Variants in PHGDH observed in about 807,000 individuals in gnomAD.
The protein encoded by PHGDH is phosphoglycerate dehydrogenase, also known as D-3-phosphoglycerate dehydrogenase.
Under a neutral mutation model 52.6 loss-of-function variants are expected in PHGDH, and 50 were observed. The observed-to-expected ratio is 0.95, with a 90% CI of 0.76 to 1.20. PHGDH has a LOEUF of 1.20. Ranked by LOEUF, PHGDH falls within the 50% of genes most tolerant of loss-of-function variation. PHGDH has a pLI of 0.00. For synonymous variants in PHGDH, 271 were observed against 280.5 expected (o/e 0.97, Z 0.34); for missense variants, 630 against 684.6 (o/e 0.92, Z 0.89).
chr1:119,734,962 G>A (rs769078331), intron 6 of PHGDH, 196 bp downstream of exon 6: 21 of 667,080 alleles, frequency 3.1e-5, no homozygotes, highest in Non-Finnish European at 1.8e-5. Flanking sequence ...AGTGCTTGGG[G>A]TCTAGGTAAG....
chr1:119,712,967 C>T (rs2101138289), intron 1 of PHGDH: 1 of 152,484 alleles, frequency 6.6e-6, no homozygotes, highest in South Asian at 2.1e-4. Flanking sequence ...CAAACGCTCC[C>T]AGATGATTTA....
At chr1:119,726,630 G>A (rs1023146454) in intron 3 of PHGDH, 19 of 606,854 alleles carry the variant, frequency 3.1e-5, no homozygotes, top group Non-Finnish European at 5.3e-5. Flanking sequence ...ATGCCTGGCT[G>A]GTCACAGAAA....
chr1:119,718,952 T>G (rs963155792), intron 1 of PHGDH, among the ~76,000 whole-genome samples: 19 of 152,132 alleles, frequency 1.2e-4, no homozygotes, highest in African/African-American at 3.9e-4. Context: ...AGTTCAGGGT[T>G]GTTGGCAAAT....
intron 10 of PHGDH, 149 bp from the exon 11 acceptor site, chr1:119,742,658 C>T: frequency 4.4e-6 from 3 of 680,390 alleles, no homozygotes; most frequent in Admixed American, 2.1e-5. Flanking sequence ...CAGCTTGGCC[C>T]ATTTGCCCTC....
chr1:119,714,685 A>G (rs762630248), intron 1 of PHGDH, among the ~76,000 whole-genome samples: 1 of 152,226 alleles, frequency 6.6e-6, no homozygotes, highest in Non-Finnish European at 1.5e-5. Context: ...ACTGGGCAAC[A>G]TGGCAAAACC....
chr1:119,716,975 A>G (rs1287129876), intron 1 of PHGDH, among the ~76,000 whole-genome samples: 6 of 152,130 alleles, frequency 3.9e-5, no homozygotes, highest in African/African-American at 1.4e-4. Flanking sequence ...CTTGATATCT[A>G]GCGTTGAAGA....
At chr1:119,721,497 T>C (rs916389519) in intron 2 of PHGDH, 176 bp downstream of exon 2, 11 of 626,654 alleles carry the variant, frequency 1.8e-5, no homozygotes, top group Non-Finnish European at 3.0e-5. Context: ...GTTTCAAGGT[T>C]TTTGGAAGGC....
At chr1:119,714,808 A>G (rs1183927130) in intron 1 of PHGDH, among the ~76,000 whole-genome samples, 1 of 152,158 alleles carries the variant, frequency 6.6e-6, no homozygotes, top group Non-Finnish European at 1.5e-5. Context: ...ACTCTTCCCA[A>G]CCTGGTGCTC....
intron 5 of PHGDH, 130 bp from the exon 6 acceptor site, chr1:119,734,504 T>C (rs1213302410): frequency 2.3e-6 from 2 of 875,338 alleles, no homozygotes; most frequent in Non-Finnish European, 3.9e-6. Context: ...GTAAATTAAC[T>C]GGAGAATTAA....
rs999903658 is a variant in PHGDH, at chr1:119,723,414, CTT to C, written c.330_331del (p.Cys111TrpfsTer64). The C allele has an allele frequency of 3.1e-6, 5 of 1,613,830 alleles. No homozygotes were observed. The African/African-American group carries it at 5.3e-5, about 17-fold the overall frequency. ...AACAGCCTCAGTGCCGCAGAACTCACTTGTGGAATGATCATGTGCCTGGCCAG... is the reference window on the plus strand; with the variant it reads ...AACAGCCTCAGTGCCGCAGAACTCACGTGGAATGATCATGTGCCTGGCCAG... On this transcript the variant is annotated frameshift_variant, in exon 3 of 12. Transcript: ENST00000641023. LOFTEE classifies it high-confidence loss of function.
intron 8 of PHGDH, among the ~76,000 whole-genome samples, chr1:119,738,960 G>A (rs1239118318): frequency 6.6e-6 from 1 of 152,196 alleles, no homozygotes; most frequent in African/African-American, 2.4e-5. Flanking sequence ...AAATTGAACT[G>A]TTCACCCACA....
intron 3 of PHGDH, among the ~76,000 whole-genome samples, chr1:119,723,774 G>A (rs1000123066): frequency 4.6e-5 from 7 of 151,768 alleles, no homozygotes; most frequent in African/African-American, 1.7e-4. Context: ...GATGTTCCAG[G>A]CAGCAGGGTA....
intron 5 of PHGDH, among the ~76,000 whole-genome samples, chr1:119,731,315 G>C (rs1287785066): frequency 6.6e-6 from 1 of 152,192 alleles, no homozygotes; most frequent in Non-Finnish European, 1.5e-5. Context: ...TTTCTCAATA[G>C]TGTTGCTGAA....
In PHGDH at chr1:119,744,212, C is replaced by G; in HGVS notation, c.*172C>G. 1.5e-6 allele frequency: 1 copy of G among 676,804 alleles called. No individual in the cohort carries two copies. The highest frequency in any genetic ancestry group is 2.6e-5 in the East Asian group (1 of 37,892). The allele number at this position is 676,804 out of a possible 1,614,324, so 41.9% of individuals were successfully genotyped here. On this transcript the variant is annotated 3_prime_UTR_variant, in exon 12 of 12. Coordinates refer to ENST00000641023, the MANE Select transcript of PHGDH (RefSeq NM_006623.4). The stretch of plus-strand genomic sequence containing the variant: ...TAACCGTCTAATAAAGAGCCTACCC[C>G]CAACTCCTTCTGCACTTTTGTGTGG...
In PHGDH at chr1:119,743,915, C is replaced by T; in HGVS notation, c.1477C>T (p.Leu493=). Residue 493 remains leucine (L), a synonymous_variant, in exon 12 of 12, where the codon CTG becomes TTG. Transcript: ENST00000641023. ...CCTGGCAGAGGCAGGCGTGCGGCTG[C>T]TGTCCTACCAGACTTCACTGGTGTC... is the stretch of plus-strand genomic sequence containing the variant. The part of the protein sequence containing the change: ...GLLAEAGVRL[L]SYQTSLVSDG... 1 of 1,613,924 alleles carries T rather than the reference C, an allele frequency of 6.2e-7. No homozygotes were observed. The highest frequency in any genetic ancestry group is 1.7e-5 in the Admixed American group (1 of 60,026).
At chr1:119,728,881 A>G (rs1218675884) in intron 5 of PHGDH, among the ~76,000 whole-genome samples, 2 of 152,228 alleles carry the variant, frequency 1.3e-5, no homozygotes, top group Non-Finnish European at 2.9e-5. Flanking sequence ...TAGAGCTGCT[A>G]TGGAACTCTC....
intron 2 of PHGDH, among the ~76,000 whole-genome samples, chr1:119,722,064 GC>G (rs1651192572): frequency 2.0e-5 from 3 of 152,206 alleles, no homozygotes; most frequent in Non-Finnish European, 4.4e-5. Flanking sequence ...CCCCTGCACT[GC>G]ACTTCCCCCT....
At position 119,731,742 on chromosome 1, in the gene PHGDH, G is replaced by A. The variant is rs767778277; in HGVS notation, c.511-2892G>A. ...AATTTCGGCTCAGCCTTCCAGGCTG[G>A]CATTCTTTGCCCAGTACCACTTAAC... On this transcript the variant is annotated intron_variant, in intron 5 of 11. Coordinates refer to ENST00000641023, the MANE Select transcript of PHGDH (RefSeq NM_006623.4). Among the ~76,000 whole-genome samples the A allele has an allele frequency of 1.1e-3, 174 of 152,314 alleles. 1 individual carries two copies. The highest frequency in any genetic ancestry group is 3.5e-3 in the African/African-American group (145 of 41,554).
At chr1:119,713,477 G>T (rs985687687) in intron 1 of PHGDH, 2 of 152,364 alleles carry the variant, frequency 1.3e-5, no homozygotes, top group Non-Finnish European at 2.9e-5. Context: ...TGGTTAGGGA[G>T]CATGGCTAAT....
Sources: gnomAD v4.1 joint callset for allele counts (sites outside exome capture counted in the v4.1 genomes callset) on GRCh38, gnomAD v4.1.1 for gene constraint, MANE v1.5 for transcripts, NCBI Gene and HGNC (gene_info 2026-07-23, HGNC 2026-07-21) for gene names.